ST3GAL4: variants seen among roughly 807,000 people sequenced by gnomAD.
ST3GAL4 encodes the protein ST3 beta-galactoside alpha-2,3-sialyltransferase 4.
Under a neutral mutation model 42.6 loss-of-function variants are expected in ST3GAL4, and 24 were observed. The ratio of observed to expected loss-of-function variants is 0.56; its 90% CI spans 0.41 to 0.79. The LOEUF (loss-of-function observed/expected upper bound fraction) is 0.79. Ranked by LOEUF, ST3GAL4 falls within the 30% of genes least tolerant of loss-of-function variation. The probability of loss-of-function intolerance (pLI) is 0.00; values close to 1 mark genes in which losing one functional copy is unlikely to be tolerated. For synonymous variants in ST3GAL4, 135 were observed against 163.2 expected, an observed-to-expected ratio of 0.83 and a Z score of 1.32; for missense variants, 311 against 430.8, an observed-to-expected ratio of 0.72 and a Z score of 2.46.
At chr11:126,381,313 A>G (rs1455987934) in intron 1 of ST3GAL4, among the ~76,000 whole-genome samples, 1 of 152,178 alleles carries the variant, frequency 6.6e-6, no homozygotes, top group Non-Finnish European at 1.5e-5. Context: ...CTGGAGTCCC[A>G]ACCCTGCAGG....
intron 1 of ST3GAL4, chr11:126,358,640 C>T (rs1271229163): frequency 1.4e-5 from 4 of 280,268 alleles, no homozygotes; most frequent in Non-Finnish European, 2.9e-5. Flanking sequence ...AGCCCCTGAG[C>T]CCTGCAGGGG....
intron 1 of ST3GAL4, among the ~76,000 whole-genome samples, chr11:126,385,369 G>T (rs1420449201): frequency 2.0e-5 from 3 of 151,900 alleles, no homozygotes; most frequent in East Asian, 2.0e-4. Context: ...AGCCAGGATG[G>T]TCTCGATCTC....
intron 9 of ST3GAL4, among the ~76,000 whole-genome samples, chr11:126,412,201 G>A (rs757996099): frequency 1.3e-5 from 2 of 152,172 alleles, no homozygotes; most frequent in African/African-American, 4.8e-5. Flanking sequence ...GAGCTGGCTA[G>A]AAGGCCATGG....
intron 1 of ST3GAL4, among the ~76,000 whole-genome samples, chr11:126,374,652 A>G (rs868618391): frequency 6.6e-6 from 1 of 152,002 alleles, no homozygotes; most frequent in South Asian, 2.1e-4. Flanking sequence ...GAGTTGGGCA[A>G]GGAGGGAGGA....
In ST3GAL4 at chr11:126,397,877, C is replaced by T. The variant is rs777852441; in HGVS notation, c.-60-8219C>T. Among the ~76,000 whole-genome samples the T allele has an allele frequency of 6.6e-6, 1 of 152,080 alleles. No individual in the cohort carries two copies. The highest frequency in any genetic ancestry group is 1.5e-5 in the Non-Finnish European group (1 of 68,010). On this transcript the variant is annotated intron_variant, in intron 1 of 10. Coordinates refer to ENST00000444328, the MANE Select transcript of ST3GAL4 (RefSeq NM_001254757.2). The surrounding 1 kb of genome is among the most constrained non-coding windows in gnomAD (Gnocchi z 5.0). ...CATTCATGAGAACAGAGCCCTTGAC[C>T]CATTCATGAGAACAGAGCCCTCATG...
In ST3GAL4 at chr11:126,383,219, C is replaced by G. The variant is rs1953075154; in HGVS notation, c.-60-22877C>G. Among the ~76,000 whole-genome samples, 1 of 152,186 alleles carries G rather than the reference C, an allele frequency of 6.6e-6. No homozygotes were observed. Among genetic ancestry groups the G allele is most frequent in the Non-Finnish European group, 1.5e-5 (1 of 68,024 alleles). ...TCAGGTGCCAGAATCTTTCTGGGAG[C>G]TGAGCCTGGCTGGGCAGAGGGCGAG... On this transcript the variant is annotated intron_variant, in intron 1 of 10. Transcript: ENST00000444328. This position sits in a 1 kb window ranked among gnomAD's most constrained non-coding sequence, Gnocchi z 4.5.
chr11:126,374,287 A>G (rs1159431478), intron 1 of ST3GAL4, among the ~76,000 whole-genome samples: 1 of 151,910 alleles, frequency 6.6e-6, no homozygotes, highest in South Asian at 2.1e-4. Flanking sequence ...CCCCGTTCCT[A>G]CTAAAAATAC....
chr11:126,399,752 G>T (rs1055489439), intron 1 of ST3GAL4, among the ~76,000 whole-genome samples: 1 of 152,070 alleles, frequency 6.6e-6, no homozygotes, highest in African/African-American at 2.4e-5. Flanking sequence ...TCACTCTTAA[G>T]TTCTGCCTGC....
chr11:126,408,541 C>T lies in ST3GAL4; in HGVS notation c.627+45C>T, dbSNP rs200701363. On this transcript the variant is annotated intron_variant, in intron 8 of 10. Transcript: ENST00000444328. ...GGGGGCTGAGGCCTGGCGGTGGGGACGCTGCCCGAGTCAGGACCTCACGCT... is the reference window on the plus strand; with the variant it reads ...GGGGGCTGAGGCCTGGCGGTGGGGATGCTGCCCGAGTCAGGACCTCACGCT... 2.8e-4 allele frequency: 457 copies of T among 1,603,996 alleles called. 1 individual carries two copies. The highest frequency in any genetic ancestry group is 3.8e-4 in the Admixed American group (23 of 59,786).
intron 9 of ST3GAL4, chr11:126,413,255 G>A: frequency 2.8e-6 from 1 of 360,180 alleles, no homozygotes; most frequent in Non-Finnish European, 5.0e-6. Flanking sequence ...ATGGGCATAT[G>A]CACTACTGCA....
intron 1 of ST3GAL4, among the ~76,000 whole-genome samples, chr11:126,362,745 A>G (rs1368460906): frequency 6.6e-6 from 1 of 152,164 alleles, no homozygotes; most frequent in Non-Finnish European, 1.5e-5. Flanking sequence ...TCTGGCACTC[A>G]ATTAGCATCT....
At chr11:126,401,621 G>A (rs973934554) in intron 1 of ST3GAL4, among the ~76,000 whole-genome samples, 3 of 151,766 alleles carry the variant, frequency 2.0e-5, no homozygotes, top group Admixed American at 6.6e-5. Flanking sequence ...CTACTGTCCC[G>A]GAGGCAGGAG....
chr11:126,374,529 GA>G (rs201825243), intron 1 of ST3GAL4, among the ~76,000 whole-genome samples: 2,089 of 151,738 alleles, frequency 0.014, 19 homozygotes, highest in Non-Finnish European at 0.023. Flanking sequence ...CATGTCTACG[GA>G]AAAGCATTCT....
rs1952839206 is a variant in ST3GAL4 at position 126,376,569 on chromosome 11, A to C, written c.-61+20727A>C. On this transcript the variant is annotated intron_variant, in intron 1 of 10. Coordinates refer to ENST00000444328, the MANE Select transcript of ST3GAL4 (RefSeq NM_001254757.2). This position sits in a 1 kb window ranked among gnomAD's most constrained non-coding sequence, Gnocchi z 5.1. ...TGTGTCAAACAGAAGCATTTACCAT[A>C]AATAACCCCAGTTAAGATTTGATTA... Among the ~76,000 whole-genome samples the C allele has an allele frequency of 6.6e-6, 1 of 152,248 alleles. No individual in the cohort carries two copies. Among genetic ancestry groups the C allele is most frequent in the Non-Finnish European group, 1.5e-5 (1 of 68,036 alleles).
rs1565424141 is a variant in ST3GAL4 at position 126,406,605 on chromosome 11, G to T, written c.101+48G>T. ...TCCAGTGGCTCTTGTCAGGGACAGG[G>T]CTTAGGGATGGAGCATCATGGAGCG... On this transcript the variant is annotated intron_variant, in intron 3 of 10. Coordinates refer to ENST00000444328, the MANE Select transcript of ST3GAL4 (RefSeq NM_001254757.2). This position sits in a 1 kb window ranked among gnomAD's most constrained non-coding sequence, Gnocchi z 5.4. 10 of 1,613,192 alleles carry T rather than the reference G, an allele frequency of 6.2e-6. No homozygotes were observed. The highest frequency in any genetic ancestry group is 7.6e-6 in the Non-Finnish European group (9 of 1,179,696).
intron 6 of ST3GAL4, 152 bp from the exon 7 acceptor site, chr11:126,407,947 C>T (rs943741169): frequency 4.6e-6 from 4 of 878,876 alleles, no homozygotes; most frequent in Non-Finnish European, 6.9e-6. Flanking sequence ...TCAGCATGAC[C>T]CTAAGCAGGA....
Position 126,406,109 on chromosome 11 carries a change from G to A in ST3GAL4, c.-47G>A. 4 of 1,551,888 alleles carry A rather than the reference G, an allele frequency of 2.6e-6. No homozygotes were observed. The highest frequency in any genetic ancestry group is 1.7e-4 in the Middle Eastern group (1 of 5,988). ...CTTATTTCCTAGGTGGCCCGAGGCA[G>A]CCGGGATGACAGCTCTCCCCAGGAA... On this transcript the variant is annotated 5_prime_UTR_variant, in exon 2 of 11. Transcript: ENST00000444328. The surrounding 1 kb of genome is among the most constrained non-coding windows in gnomAD (Gnocchi z 5.4).
rs934025259 is a variant in ST3GAL4 at position 126,359,663 on chromosome 11, T to A, written c.-61+3821T>A. Among the ~76,000 whole-genome samples, 24 of 152,176 alleles carry A rather than the reference T, an allele frequency of 1.6e-4. No individual in the cohort carries two copies. Among genetic ancestry groups the A allele is most frequent in the African/African-American group, 5.8e-4 (24 of 41,436 alleles). ...CGAACCCCACATCCCGGCCGGGCCG[T>A]ACCCTGAGCACACGCTTGTCCGCTT... On this transcript the variant is annotated intron_variant, in intron 1 of 10. Transcript: ENST00000444328. The surrounding 1 kb of genome is among the most constrained non-coding windows in gnomAD (Gnocchi z 4.8).
At chr11:126,372,596 A>G (rs190137812) in intron 1 of ST3GAL4, among the ~76,000 whole-genome samples, 24 of 151,916 alleles carry the variant, frequency 1.6e-4, no homozygotes, top group Admixed American at 5.2e-4. Flanking sequence ...TTGTATTTTC[A>G]GTAGATACAG....
Sources: gnomAD v4.1 joint callset for allele counts (sites outside exome capture counted in the v4.1 genomes callset) on GRCh38, gnomAD v4.1.1 for gene constraint, Gnocchi (gnomAD v3.1) non-coding constraint, MANE v1.5 for transcripts, NCBI Gene and HGNC (gene_info 2026-07-23, HGNC 2026-07-21) for gene names.